Variants in ZNF808 observed in about 807,000 individuals in gnomAD.
ZNF808 encodes the protein zinc finger protein 808.
In ZNF808, 5 loss-of-function variants were observed where a neutral mutation model predicts 8.7. That is an observed-to-expected ratio of 0.58 (90% CI 0.30 to 1.21). ZNF808 has a LOEUF of 1.21. Ranked by LOEUF, ZNF808 falls within the 50% of genes most tolerant of loss-of-function variation. The pLI, the probability that ZNF808 is intolerant of heterozygous loss-of-function variation, is 0.07. For synonymous variants in ZNF808, 380 were observed against 366.0 expected (o/e 1.04, Z -0.44); for missense variants, 1,103 against 1,098.4 (o/e 1.00, Z -0.06).
chr19:52,556,164 T>C lies in ZNF808; in HGVS notation c.*536T>C, dbSNP rs890066071. On this transcript the variant is annotated 3_prime_UTR_variant, in exon 5 of 5. Transcript: ENST00000359798. Reference sequence around the variant, plus strand: ...GCCTTAATTGACATTCAAGTGTTTATGTTAAGAGGATGGGGCCAGGTGTGG... The same window carrying C: ...GCCTTAATTGACATTCAAGTGTTTACGTTAAGAGGATGGGGCCAGGTGTGG... The C allele has an allele frequency of 2.8e-6, 1 of 361,054 alleles. No individual in the cohort carries two copies. The highest frequency in any genetic ancestry group is 4.1e-5 in the Admixed American group (1 of 24,584). 22.4% of individuals were successfully genotyped at this position (361,054 alleles called of 1,614,324 possible).
At chr19:52,535,061 G>T (rs903836656) in intron 2 of ZNF808, among the ~76,000 whole-genome samples, 4 of 151,590 alleles carry the variant, frequency 2.6e-5, no homozygotes, top group African/African-American at 4.8e-5. Flanking sequence ...GCTGGGCGGG[G>T]TGGATCACAT....
At chr19:52,540,675 T>C (rs2123116836) in intron 2 of ZNF808, among the ~76,000 whole-genome samples, 1 of 152,300 alleles carries the variant, frequency 6.6e-6, no homozygotes, top group African/African-American at 2.4e-5. Flanking sequence ...CATAATATTC[T>C]CTACAGATGT....
intron 2 of ZNF808, among the ~76,000 whole-genome samples, chr19:52,540,165 C>G (rs2059656838): frequency 6.6e-6 from 1 of 152,148 alleles, no homozygotes; most frequent in African/African-American, 2.4e-5. Context: ...GTGTGCACCA[C>G]TATGCCCTGC....
At chr19:52,537,563 C>G (rs1042082960) in intron 2 of ZNF808, among the ~76,000 whole-genome samples, 1 of 152,016 alleles carries the variant, frequency 6.6e-6, no homozygotes, top group African/African-American at 2.4e-5. Flanking sequence ...TAGTGTGCAG[C>G]TGTAATTTCA....
rs372590501 is a variant in ZNF808, at chr19:52,553,944, A to T, written c.1028A>T (p.Tyr343Phe). 1.2e-6 allele frequency: 2 copies of T among 1,614,072 alleles called. No individual in the cohort carries two copies. Among genetic ancestry groups the T allele is most frequent in the East Asian group, 2.2e-5 (1 of 44,890 alleles). ...HKAIHTGEKP[Y>F]KCNECGKAFN... is the part of the protein sequence containing the mutation. ...GCAATTCATACTGGAGAGAAACCTT[A>T]CAAGTGTAATGAATGTGGCAAGGCT... The change falls in exon 5 of 5, where the codon TAC becomes TTC. Residue 343 changes from tyrosine (Y) to phenylalanine (F), a missense_variant. Physicochemically the swap from Tyr to Phe is conservative, Grantham distance 22 (BLOSUM62 3). Transcript: ENST00000359798.
intron 3 of ZNF808, chr19:52,563,169 G>A (rs1239871243): frequency 6.6e-6 from 1 of 152,156 alleles, no homozygotes; most frequent in Non-Finnish European, 1.5e-5. Context: ...CTTATAGTGT[G>A]TGCTGGTGGT....
At chr19:52,558,494 C>T (rs2059846304), downstream of ZNF808, among the ~76,000 whole-genome samples, 1 of 152,244 alleles carries the variant, frequency 6.6e-6, no homozygotes, top group Non-Finnish European at 1.5e-5. Flanking sequence ...GCCTCAGCCT[C>T]CCGAGTAGCT....
At chr19:52,561,882 A>G (rs1236991164) in intron 3 of ZNF808, among the ~76,000 whole-genome samples, 1 of 152,170 alleles carries the variant, frequency 6.6e-6, no homozygotes, top group Non-Finnish European at 1.5e-5. Flanking sequence ...ATGCTATTAG[A>G]TGGCTTCACA....
At chr19:52,561,148 C>A (rs2059854940), downstream of ZNF808, among the ~76,000 whole-genome samples, 1 of 128,374 alleles carries the variant, frequency 7.8e-6, no homozygotes, top group Non-Finnish European at 1.6e-5. Context: ...CCTTGATGTA[C>A]TTCTATCTGT....
downstream of ZNF808, among the ~76,000 whole-genome samples, chr19:52,558,618 C>T (rs979293669): frequency 1.3e-5 from 2 of 152,094 alleles, no homozygotes; most frequent in Non-Finnish European, 2.9e-5. Context: ...GATCCGCCCG[C>T]CTCGGCCTCC....
chr19:52,542,458 TCAG>T (rs2059680358), intron 2 of ZNF808, among the ~76,000 whole-genome samples: 2 of 130,248 alleles, frequency 1.5e-5, no homozygotes. Flanking sequence ...GCTCTTCCCC[TCAG>T]CTGCAAGTGA....
At chr19:52,550,006 C>T (rs2059760434) in intron 4 of ZNF808, among the ~76,000 whole-genome samples, 1 of 152,092 alleles carries the variant, frequency 6.6e-6, no homozygotes. Flanking sequence ...CTTTGTATCC[C>T]CCTTGATGTA....
At chr19:52,538,484 A>G (rs1342092037) in intron 2 of ZNF808, among the ~76,000 whole-genome samples, 1 of 150,844 alleles carries the variant, frequency 6.6e-6, no homozygotes, top group Non-Finnish European at 1.5e-5. Flanking sequence ...ATCTGGGATT[A>G]CAGGCATGCG....
chr19:52,543,576 T>C (rs2059693210), intron 3 of ZNF808, among the ~76,000 whole-genome samples: 1 of 152,132 alleles, frequency 6.6e-6, no homozygotes, highest in African/African-American at 2.4e-5. Context: ...GAGGCTCCAC[T>C]GGGCATGGTC....
downstream of ZNF808, among the ~76,000 whole-genome samples, chr19:52,567,917 G>C (rs528501782): frequency 6.6e-6 from 1 of 152,304 alleles, no homozygotes; most frequent in African/African-American, 2.4e-5. Flanking sequence ...CTTCTTGAAA[G>C]GCAAGCAACA....
chr19:52,537,100 C>T (rs977530144), intron 2 of ZNF808, among the ~76,000 whole-genome samples: 2 of 151,934 alleles, frequency 1.3e-5, no homozygotes, highest in Non-Finnish European at 2.9e-5. Flanking sequence ...GCCAGAGAAT[C>T]GCTTGAACTT....
At chr19:52,540,260 C>T (rs565299352) in intron 2 of ZNF808, among the ~76,000 whole-genome samples, 6 of 151,748 alleles carry the variant, frequency 4.0e-5, no homozygotes, top group Non-Finnish European at 5.9e-5. Flanking sequence ...TCTTCCTGCC[C>T]CGGCCTCCCA....
rs1462656593 is a variant in ZNF808 at position 52,554,537 on chromosome 19, T to C, written c.1621T>C (p.Cys541Arg). Residue 541 changes from cysteine (C) to arginine (R), a missense_variant, in exon 5 of 5, where the codon TGT (cysteine) becomes CGT (arginine). Cys to Arg is a radical substitution (Grantham distance 180). Coordinates refer to ENST00000359798, the MANE Select transcript of ZNF808 (RefSeq NM_001039886.4). The stretch of plus-strand genomic sequence containing the variant: ...TCACACTCTAGAGAAATCTTACAAA[T>C]GTACGGTTTGTAACAAGGTTTTCAT... ...RLHTLEKSYK[C>R]TVCNKVFMRN... The C allele has an allele frequency of 6.2e-7, 1 of 1,614,120 alleles. No individual in the cohort carries two copies. The highest frequency in any genetic ancestry group is 1.1e-5 in the South Asian group (1 of 91,074).
At chr19:52,566,236 G>C (rs1488694645), downstream of ZNF808, among the ~76,000 whole-genome samples, 1 of 151,972 alleles carries the variant, frequency 6.6e-6, no homozygotes, top group African/African-American at 2.4e-5. Context: ...TGCGATCTCG[G>C]ATCACTGAAA....
Sources: gnomAD v4.1 joint callset for allele counts (sites outside exome capture counted in the v4.1 genomes callset) on GRCh38, gnomAD v4.1.1 for gene constraint, MANE v1.5 for transcripts, NCBI Gene and HGNC (gene_info 2026-07-23, HGNC 2026-07-21) for gene names.